Variants in CMTM1 observed in about 807,000 individuals in gnomAD.
The protein encoded by CMTM1 is CKLF like MARVEL transmembrane domain containing 1.
Under a neutral mutation model 17.8 loss-of-function variants are expected in CMTM1, and 16 were observed. That is an observed-to-expected ratio of 0.90 (90% CI 0.61 to 1.37). The LOEUF (loss-of-function observed/expected upper bound fraction) is 1.37. Ranked by LOEUF, CMTM1 falls within the 40% of genes most tolerant of loss-of-function variation. CMTM1 has a pLI of 0.00. For missense variants in CMTM1, 354 were observed against 375.6 expected, an observed-to-expected ratio of 0.94 and a Z score of 0.47; for synonymous variants, 169 against 154.6, an observed-to-expected ratio of 1.09 and a Z score of -0.69.
chr16:66,576,929 A>G (rs1456432008), intron 2 of CMTM1, among the ~76,000 whole-genome samples, 175 bp from the exon 3 acceptor site: 1 of 152,216 alleles, frequency 6.6e-6, no homozygotes, highest in Non-Finnish European at 1.5e-5. Context: ...TTAAAACCAC[A>G]TAAACTCATG....
chr16:66,573,397 G>A (rs1458886962), intron 2 of CMTM1, among the ~76,000 whole-genome samples: 1 of 152,106 alleles, frequency 6.6e-6, no homozygotes, highest in Non-Finnish European at 1.5e-5. Flanking sequence ...TACCAAGATC[G>A]TAAGAAATTA....
intron 2 of CMTM1, among the ~76,000 whole-genome samples, chr16:66,574,742 C>T (rs142142277): frequency 3.3e-5 from 5 of 152,250 alleles, no homozygotes; most frequent in South Asian, 2.1e-4. Flanking sequence ...TAATGATGTG[C>T]GTTTGTTCAA....
intron 1 of CMTM1, among the ~76,000 whole-genome samples, chr16:66,568,897 AAGG>A (rs1204472639): frequency 6.6e-6 from 1 of 152,070 alleles, no homozygotes; most frequent in Non-Finnish European, 1.5e-5. Flanking sequence ...AAAAAAAAAA[AAGG>A]AGGTAAAATA....
At chr16:66,572,488 G>A (rs978544961) in intron 2 of CMTM1, among the ~76,000 whole-genome samples, 1 of 152,194 alleles carries the variant, frequency 6.6e-6, no homozygotes, top group Admixed American at 6.5e-5. Flanking sequence ...TTTTGTGAGG[G>A]TATTGGTGCT....
intron 2 of CMTM1, among the ~76,000 whole-genome samples, chr16:66,572,087 C>T (rs1399469546): frequency 6.6e-6 from 1 of 152,092 alleles, no homozygotes; most frequent in Non-Finnish European, 1.5e-5. Context: ...GATTCGGAGC[C>T]CCTGTCCTTT....
At chr16:66,575,867 TC>T (rs1000334257) in intron 2 of CMTM1, among the ~76,000 whole-genome samples, 1 of 152,236 alleles carries the variant, frequency 6.6e-6, no homozygotes, top group African/African-American at 2.4e-5. Context: ...AGGCAGACCA[TC>T]AACACTCAAA....
At position 66,575,187 on chromosome 16, in the gene CMTM1, C is replaced by T. The variant is rs150001038; in HGVS notation, c.592-1917C>T. 9.9e-4 allele frequency: 979 copies of T among 985,386 alleles called. 13 individuals carry two copies. The Admixed American group carries it at 0.036, about 36-fold the overall frequency. The allele number at this position is 985,386 out of a possible 1,614,324, so 61.0% of individuals were successfully genotyped here. A position where few individuals can be genotyped will look rare whatever the true frequency, so the allele number is the denominator to read the frequency against. On this transcript the variant is annotated intron_variant, in intron 2 of 3. Coordinates refer to ENST00000379500, the MANE Select transcript of CMTM1 (RefSeq NM_052999.4). ...CGGTCGCCAGCCCCAATAGGAAGAACATCTGGAGTTTGCAGAGAGTTTACT... is the reference window on the plus strand; with the variant it reads ...CGGTCGCCAGCCCCAATAGGAAGAATATCTGGAGTTTGCAGAGAGTTTACT...
Position 66,570,095 on chromosome 16 carries a change from G to GT in CMTM1, c.591+2dup, listed in dbSNP as rs1346222609. 3 of 1,577,356 alleles carry GT rather than the reference G, an allele frequency of 1.9e-6. No individual in the cohort carries two copies. In the African/African-American group the frequency reaches 4.1e-5, roughly 22 times the overall value. On this transcript the variant is annotated splice_donor_variant, in intron 2 of 3. Coordinates refer to ENST00000379500, the MANE Select transcript of CMTM1 (RefSeq NM_052999.4). LOFTEE classifies it high-confidence loss of function. ...GACCTATTTACATTGGCCCTTACTT[G>GT]TAAGTGTTCATTTTTACAATTCTTC...
chr16:66,567,158 T>A (rs549934493), intron 1 of CMTM1: 1 of 643,360 alleles, frequency 1.6e-6, no homozygotes, highest in Non-Finnish European at 2.7e-6. Flanking sequence ...TTTTTTCTTT[T>A]TTTTTTTTTT....
At chr16:66,576,124 C>T (rs1398534000) in intron 2 of CMTM1, among the ~76,000 whole-genome samples, 3 of 152,150 alleles carry the variant, frequency 2.0e-5, no homozygotes, top group Admixed American at 6.5e-5. Context: ...TGGCCGGGCG[C>T]GGTGGCTCAC....
chr16:66,568,999 A>G (rs927414981), intron 1 of CMTM1, among the ~76,000 whole-genome samples: 5 of 152,174 alleles, frequency 3.3e-5, no homozygotes, highest in Admixed American at 2.0e-4. Flanking sequence ...TAGTCAGGTG[A>G]CTCGTTATTG....
intron 2 of CMTM1, chr16:66,571,170 T>C (rs1305226289): frequency 4.4e-6 from 2 of 457,264 alleles, no homozygotes; most frequent in Admixed American, 2.3e-5. Flanking sequence ...AAAGCAAATA[T>C]GAGCAACTTT....
chr16:66,569,035 A>G (rs909246914), intron 1 of CMTM1, among the ~76,000 whole-genome samples: 1 of 152,230 alleles, frequency 6.6e-6, no homozygotes, highest in Non-Finnish European at 1.5e-5. Context: ...GCTTTCCTAG[A>G]CAAATAACCA....
At chr16:66,569,887 G>A (rs1567372985) in intron 1 of CMTM1, 49 bp from the exon 2 acceptor site, 1 of 1,424,760 alleles carries the variant, frequency 7.0e-7, no homozygotes, top group East Asian at 2.3e-5. Flanking sequence ...TGACAATGTA[G>A]ATTTTTTTAA....
intron 3 of CMTM1, among the ~76,000 whole-genome samples, chr16:66,578,330 T>C (rs2014512231): frequency 6.6e-6 from 1 of 152,112 alleles, no homozygotes; most frequent in Admixed American, 6.5e-5. Context: ...ACACCTGACC[T>C]CCTGATAGAG....
intron 2 of CMTM1, chr16:66,571,391 G>A (rs958319372): frequency 2.1e-5 from 7 of 332,476 alleles, no homozygotes; most frequent in Non-Finnish European, 4.1e-5. Flanking sequence ...TAACAGATGA[G>A]AAAATTGGAT....
chr16:66,577,268 C>CTCTGG, intron 3 of CMTM1, 66 bp downstream of exon 3: 1 of 1,361,408 alleles, frequency 7.3e-7, no homozygotes, highest in Non-Finnish European at 1.0e-6. Flanking sequence ...GGGAAATTGG[C>CTCTGG]AGACCCCATT....
chr16:66,566,683 C>A lies in CMTM1; in HGVS notation c.170C>A (p.Ser57Ter). The change falls in exon 1 of 4, where the codon TCA becomes TAA. Residue 57 changes from serine (S) to a stop codon, truncating the protein, a stop_gained. Coordinates refer to ENST00000379500, the MANE Select transcript of CMTM1 (RefSeq NM_052999.4). LOFTEE classifies it high-confidence loss of function. This position sits in a 1 kb window ranked among gnomAD's most constrained non-coding sequence, Gnocchi z 4.9. Reference protein sequence around the residue: ...KTAPRKHPAVSIRSAQSAAAA... With the variant: ...KTAPRKHPAV ...GCACCCCGGAAGCACCCCGCAGTCT[C>A]AATTCGCAGTGCGCAGTCCGCAGCC... is the stretch of plus-strand genomic sequence containing the variant. 1 of 1,613,966 alleles carries A rather than the reference C, an allele frequency of 6.2e-7. No homozygotes were observed. The highest frequency in any genetic ancestry group is 8.5e-7 in the Non-Finnish European group (1 of 1,179,900).
chr16:66,575,276 A>G, intron 2 of CMTM1: 1 of 893,348 alleles, frequency 1.1e-6, no homozygotes, highest in African/African-American at 1.8e-5. Context: ...CAGCTACTAG[A>G]TGCCAGGCAT....
Sources: gnomAD v4.1 joint callset for allele counts (sites outside exome capture counted in the v4.1 genomes callset) on GRCh38, gnomAD v4.1.1 for gene constraint, Gnocchi (gnomAD v3.1) non-coding constraint, MANE v1.5 for transcripts, NCBI Gene and HGNC (gene_info 2026-07-23, HGNC 2026-07-21) for gene names.